ATF3: variants seen among roughly 807,000 people sequenced by gnomAD.
The protein encoded by ATF3 is activating transcription factor 3.
Under a neutral mutation model 18.4 loss-of-function variants are expected in ATF3, and 10 were observed. That is an observed-to-expected ratio of 0.54 (90% CI 0.34 to 0.92). The LOEUF (loss-of-function observed/expected upper bound fraction) is 0.92. ATF3 is among the 40% of genes least tolerant of loss of function. ATF3 has a pLI of 0.02. For missense variants in ATF3, 183 were observed against 222.3 expected, an observed-to-expected ratio of 0.82 and a Z score of 1.12; for synonymous variants, 78 against 87.9, an observed-to-expected ratio of 0.89 and a Z score of 0.63.
At chr1:212,575,257 T>G (rs930693505) in intron 1 of ATF3, among the ~76,000 whole-genome samples, 1 of 152,134 alleles carries the variant, frequency 6.6e-6, no homozygotes, top group Non-Finnish European at 1.5e-5. Context: ...CTTTGAGGTC[T>G]TTCATACCTT....
intron 1 of ATF3, among the ~76,000 whole-genome samples, chr1:212,568,486 G>A (rs972834305): frequency 2.6e-5 from 4 of 152,174 alleles, no homozygotes; most frequent in East Asian, 3.8e-4. Flanking sequence ...GGGCTCAGGC[G>A]TGTTTTTGTG....
At chr1:212,609,699 T>A (rs1654813382) in intron 1 of ATF3, among the ~76,000 whole-genome samples, 1 of 152,196 alleles carries the variant, frequency 6.6e-6, no homozygotes. Flanking sequence ...TCACTCTGGC[T>A]TTTCCTTCGG....
chr1:212,599,986 A>C (rs3795837), intron 1 of ATF3, among the ~76,000 whole-genome samples: 21,384 of 152,242 alleles, frequency 0.14, 1,779 homozygotes, highest in East Asian at 0.24. Context: ...TTAATAAAGC[A>C]ATCCTGAATT....
At chr1:212,595,856 C>T (rs1664982875) in intron 1 of ATF3, among the ~76,000 whole-genome samples, 1 of 152,140 alleles carries the variant, frequency 6.6e-6, no homozygotes, top group African/African-American at 2.4e-5. Context: ...AGGTGACTAA[C>T]ATTATATTAC....
chr1:212,582,937 A>G (rs1308747306), intron 1 of ATF3, among the ~76,000 whole-genome samples: 1 of 151,860 alleles, frequency 6.6e-6, no homozygotes, highest in African/African-American at 2.4e-5. Flanking sequence ...CCAGTAGCAG[A>G]GCTTGGATTC....
intron 1 of ATF3, among the ~76,000 whole-genome samples, chr1:212,576,721 C>CTTTTTTTTT: frequency 0.036 from 2,044 of 57,348 alleles, 135 homozygotes; most frequent in Non-Finnish European, 0.045. Flanking sequence ...CTTTTCTTTT[C>CTTTTTTTTT]TTTTTTTTTT....
chr1:212,597,310 C>T (rs1222872442), intron 1 of ATF3, among the ~76,000 whole-genome samples: 2 of 152,100 alleles, frequency 1.3e-5, no homozygotes, highest in South Asian at 2.1e-4. Context: ...GTAGACACAG[C>T]GCTTATAATC....
At position 212,585,645 on chromosome 1, in the gene ATF3, GT is replaced by G. The variant is rs565450752; in HGVS notation, c.-5+20163del. Among the ~76,000 whole-genome samples, 435 of 152,274 alleles carry G rather than the reference GT, an allele frequency of 2.9e-3. 5 individuals carry two copies. Among genetic ancestry groups the G allele is most frequent in the African/African-American group, 1.0e-2 (414 of 41,548 alleles). On this transcript the variant is annotated intron_variant, in intron 1 of 3. Coordinates refer to the ATF3 transcript ENST00000366981. ...GCAAAACTGTAATCGATTATATTTT[GT>G]AATTCTTAGTTTCTGAACCCTCCCT...
At chr1:212,588,729 C>A (rs1481547553) in intron 1 of ATF3, among the ~76,000 whole-genome samples, 1 of 152,180 alleles carries the variant, frequency 6.6e-6, no homozygotes, top group Non-Finnish European at 1.5e-5. Context: ...TTCACTGTAT[C>A]TTCTCCATAT....
chr1:212,569,517 C>G (rs1414173363), intron 1 of ATF3, among the ~76,000 whole-genome samples: 2 of 152,012 alleles, frequency 1.3e-5, no homozygotes, highest in African/African-American at 4.8e-5. Context: ...AGAAAGGAGA[C>G]AGTAGACAGA....
chr1:212,615,043 C>T lies in ATF3; in HGVS notation c.22C>T (p.Gln8Ter). MMLQHPG[Q>*]VSASEVSASA... ...CAAAATGATGCTTCAACACCCAGGC[C>T]AGGTCTCTGCCTCGGAAGTGAGTGC... Residue 8 changes from glutamine (Q) to a stop codon, truncating the protein, a stop_gained, in exon 2 of 4, where the codon CAG (glutamine) becomes TAG (stop). Transcript: ENST00000341491. LOFTEE classifies it high-confidence loss of function. 6.2e-7 allele frequency: 1 copy of T among 1,614,180 alleles called. No individual in the cohort carries two copies. Among genetic ancestry groups the T allele is most frequent in the Non-Finnish European group, 8.5e-7 (1 of 1,180,036 alleles).
upstream of ATF3, among the ~76,000 whole-genome samples, chr1:212,606,982 C>T (rs1258211912): frequency 2.0e-5 from 3 of 152,056 alleles, no homozygotes; most frequent in East Asian, 5.8e-4. Flanking sequence ...AAAACACCCG[C>T]CCTGCACTTC....
Position 212,619,229 on chromosome 1 carries a change from C to T in ATF3, c.349-129C>T, listed in dbSNP as rs1655263147. ...CCAGTGCTGCTCTCCCATCTCCCAT[C>T]TTCCTCTCGCAGCTTGATGAGCCCC... On this transcript the variant is annotated intron_variant, in intron 3 of 3. Coordinates refer to ENST00000341491, the MANE Select transcript of ATF3 (RefSeq NM_001674.4). This position sits in a 1 kb window ranked among gnomAD's most constrained non-coding sequence, Gnocchi z 4.4. The T allele has an allele frequency of 6.2e-7, 1 of 1,610,304 alleles. No individual in the cohort carries two copies. The highest frequency in any genetic ancestry group is 1.7e-5 in the Admixed American group (1 of 59,706).
intron 1 of ATF3, among the ~76,000 whole-genome samples, chr1:212,584,910 G>T (rs772001361): frequency 1.3e-5 from 2 of 152,168 alleles, no homozygotes; most frequent in African/African-American, 4.8e-5. Flanking sequence ...CCCCAGGCAG[G>T]CTTTGTGTGT....
At chr1:212,612,584 C>T (rs1654939957) in intron 1 of ATF3, among the ~76,000 whole-genome samples, 1 of 152,230 alleles carries the variant, frequency 6.6e-6, no homozygotes, top group African/African-American at 2.4e-5. Flanking sequence ...TATTGCCTGA[C>T]AGCGACAAGT....
chr1:212,599,457 G>A (rs922285965), intron 1 of ATF3, among the ~76,000 whole-genome samples: 1 of 152,176 alleles, frequency 6.6e-6, no homozygotes, highest in Non-Finnish European at 1.5e-5. Context: ...GTGAACCAGT[G>A]AGGTAGATTT....
chr1:212,613,161 A>G (rs1654966750), intron 1 of ATF3, among the ~76,000 whole-genome samples: 1 of 152,230 alleles, frequency 6.6e-6, no homozygotes, highest in South Asian at 2.1e-4. Flanking sequence ...GAAGGCAGTT[A>G]GCAAGCAGCC....
intron 1 of ATF3, among the ~76,000 whole-genome samples, chr1:212,609,748 G>T (rs1357372584): frequency 2.0e-5 from 3 of 152,254 alleles, no homozygotes; most frequent in African/African-American, 4.8e-5. Context: ...GGAAGCGAGG[G>T]TGTGGAGCCA....
chr1:212,579,488 T>C (rs1425365671), intron 1 of ATF3, among the ~76,000 whole-genome samples: 1 of 152,214 alleles, frequency 6.6e-6, no homozygotes, highest in Non-Finnish European at 1.5e-5. Flanking sequence ...GAATGATGGC[T>C]AACATGTCAA....
Sources: allele counts gnomAD v4.1 joint callset (sites outside exome capture counted in the v4.1 genomes callset), GRCh38; gene constraint gnomAD v4.1.1; non-coding constraint Gnocchi (gnomAD v3.1); transcripts MANE v1.5; gene names NCBI Gene and HGNC (gene_info 2026-07-23, HGNC 2026-07-21).